KIT: variants seen among roughly 807,000 people sequenced by gnomAD.
The protein encoded by KIT is KIT proto-oncogene, receptor tyrosine kinase.
KIT carries 16 observed loss-of-function variants against 105.7 expected under a neutral mutation model. That is an observed-to-expected ratio of 0.15 (90% CI 0.10 to 0.23). KIT has a LOEUF of 0.23. KIT is among the 10% of genes least tolerant of loss of function. The pLI, the probability that KIT is intolerant of heterozygous loss-of-function variation, is 1.00. For missense variants in KIT, 858 were observed against 1,213.8 expected (o/e 0.71, Z 4.36); for synonymous variants, 438 against 441.1 (o/e 0.99, Z 0.09).
At chr4:54,684,402 G>A (rs1415376160) in intron 1 of KIT, among the ~76,000 whole-genome samples, 1 of 152,168 alleles carries the variant, frequency 6.6e-6, no homozygotes. Context: ...CCCAAAATGG[G>A]CTTCTGCACC....
chr4:54,724,973 C>T (rs901800358), intron 8 of KIT, among the ~76,000 whole-genome samples: 4 of 152,086 alleles, frequency 2.6e-5, no homozygotes, highest in Admixed American at 1.3e-4. Context: ...ATAGGGAAGT[C>T]GGGGTCTGGC....
In KIT at chr4:54,704,037, C is replaced by T. The variant is rs17084658; in HGVS notation, c.925+145C>T. 5.6e-3 allele frequency: 4,463 copies of T among 792,002 alleles called. 107 individuals carry two copies. In the African/African-American group the frequency reaches 0.062, roughly 11 times the overall value. 49.1% of individuals were successfully genotyped at this position (792,002 alleles called of 1,614,324 possible). Reference sequence around the variant, plus strand: ...AATGAATGAAAATTATCCTTGTAGCCTCTTGCAATGAAAGCACAAAACCAA... The same window carrying T: ...AATGAATGAAAATTATCCTTGTAGCTTCTTGCAATGAAAGCACAAAACCAA... On this transcript the variant is annotated intron_variant, in intron 5 of 20. Transcript: ENST00000288135.
rs1275578060 is a variant in KIT, at chr4:54,703,725, C to A, written c.758C>A (p.Thr253Asn). 2 of 1,612,580 alleles carry A rather than the reference C, an allele frequency of 1.2e-6. No homozygotes were observed. Among genetic ancestry groups the A allele is most frequent in the Non-Finnish European group, 1.7e-6 (2 of 1,179,038 alleles). ...TTTCTCCTTTTCTGAAACCAGCAGACTAAACTACAGGAGAAATATAATAGC... is the reference window on the plus strand; with the variant it reads ...TTTCTCCTTTTCTGAAACCAGCAGAATAAACTACAGGAGAAATATAATAGC... The part of the protein sequence containing the change: ...YSTWKRENSQ[T>N]KLQEKYNSWH... The change falls in exon 5 of 21, where the codon ACT becomes AAT. Residue 253 changes from threonine to asparagine, a missense_variant and splice_region_variant. By Grantham distance (65) the Thr-to-Asn change is moderately conservative (BLOSUM62 0). This residue lies in a region of KIT where 401 missense variants were observed against 601.0 expected (regional missense o/e 0.67). Coordinates refer to ENST00000288135, the MANE Select transcript of KIT (RefSeq NM_000222.3).
intron 6 of KIT, 28 bp downstream of exon 6, chr4:54,707,315 T>C (rs1453837333): frequency 6.9e-7 from 1 of 1,447,326 alleles, no homozygotes; most frequent in Admixed American, 1.7e-5. Context: ...CCCTGGGGGA[T>C]TACACATTAC....
intron 4 of KIT, among the ~76,000 whole-genome samples, chr4:54,703,108 A>G (rs1264077847): frequency 6.6e-6 from 1 of 152,140 alleles, no homozygotes; most frequent in Non-Finnish European, 1.5e-5. Context: ...CACAAGGGTA[A>G]ATTCACAACC....
chr4:54,684,769 C>T (rs561575216), intron 1 of KIT, among the ~76,000 whole-genome samples: 1 of 152,358 alleles, frequency 6.6e-6, no homozygotes, highest in African/African-American at 2.4e-5. Flanking sequence ...TCTGCTGTAC[C>T]AGTTGCCAGG....
intron 7 of KIT, among the ~76,000 whole-genome samples, chr4:54,717,148 ATGTC>A (rs1338095020): frequency 1.3e-5 from 2 of 152,212 alleles, no homozygotes; most frequent in Admixed American, 1.3e-4. Flanking sequence ...TATAAAGAGA[ATGTC>A]TGTGGAGGCA....
At chr4:54,687,808 T>A (rs922382601) in intron 1 of KIT, among the ~76,000 whole-genome samples, 1 of 152,118 alleles carries the variant, frequency 6.6e-6, no homozygotes, top group Non-Finnish European at 1.5e-5. Context: ...GGCTCAGCTC[T>A]CCCCTACACC....
chr4:54,698,703 A>G, intron 3 of KIT, 138 bp downstream of exon 3: 12 of 967,314 alleles, frequency 1.2e-5, no homozygotes, highest in Non-Finnish European at 1.9e-5. Flanking sequence ...AAAAAATGTC[A>G]TCTGCTTTTG....
chr4:54,676,676 A>G (rs536944550), intron 1 of KIT, among the ~76,000 whole-genome samples: 2 of 152,192 alleles, frequency 1.3e-5, no homozygotes, highest in Non-Finnish European at 2.9e-5. Context: ...GAGACTGCCC[A>G]GTGCTCTTGG....
At chr4:54,714,765 C>T (rs548866986) in intron 7 of KIT, among the ~76,000 whole-genome samples, 31 of 152,216 alleles carry the variant, frequency 2.0e-4, no homozygotes, top group African/African-American at 6.0e-4. Context: ...AAATAGATCC[C>T]GCTCCCATTT....
chr4:54,668,291 T>A (rs1005025117), intron 1 of KIT, among the ~76,000 whole-genome samples: 1 of 152,174 alleles, frequency 6.6e-6, no homozygotes, highest in African/African-American at 2.4e-5. Context: ...GCGTGTCTGA[T>A]AGCACTTGCC....
In KIT at chr4:54,738,852, C is replaced by T. The variant is rs1423358851; in HGVS notation, c.*295C>T. 3 of 599,940 alleles carry T rather than the reference C, an allele frequency of 5.0e-6. No individual in the cohort carries two copies. The highest frequency in any genetic ancestry group is 8.9e-6 in the Non-Finnish European group (3 of 338,246). The allele number at this position is 599,940 out of a possible 1,614,324, so 37.2% of individuals were successfully genotyped here. On this transcript the variant is annotated 3_prime_UTR_variant, in exon 21 of 21. Transcript: ENST00000288135. ...ATGGACTGGGGGCCAGAGTCCTTTC[C>T]AAGGCTTCTCCAATTCTGCCCAAAA...
At chr4:54,703,426 G>A (rs184182936) in intron 4 of KIT, among the ~76,000 whole-genome samples, 90 of 152,234 alleles carry the variant, frequency 5.9e-4, no homozygotes, top group African/African-American at 2.1e-3. Flanking sequence ...TTCAGAGATA[G>A]CAACTTTTAA....
chr4:54,677,300 C>A (rs1444190105), intron 1 of KIT, among the ~76,000 whole-genome samples: 2 of 151,672 alleles, frequency 1.3e-5, no homozygotes, highest in Admixed American at 1.3e-4. Context: ...CATTTGCCAC[C>A]ACCATCTCAT....
rs1037362851 is a variant in KIT, at chr4:54,740,594, G to A, written c.*2037G>A. ...TTTTTTATATATACAGTAACTTTAT[G>A]TGTAAATACATAAGCGGCGTAAGTT... On this transcript the variant is annotated 3_prime_UTR_variant, in exon 21 of 21. Coordinates refer to ENST00000288135, the MANE Select transcript of KIT (RefSeq NM_000222.3). 3 of 232,550 alleles carry A rather than the reference G, an allele frequency of 1.3e-5. No individual in the cohort carries two copies. Among genetic ancestry groups the A allele is most frequent in the Non-Finnish European group, 2.6e-5 (3 of 117,526 alleles). 14.4% of individuals were successfully genotyped at this position (232,550 alleles called of 1,614,324 possible). A position where few individuals can be genotyped will look rare whatever the true frequency, so the allele number is the denominator to read the frequency against.
At chr4:54,692,012 A>C (rs1719745978) in intron 1 of KIT, among the ~76,000 whole-genome samples, 1 of 152,202 alleles carries the variant, frequency 6.6e-6, no homozygotes, top group Admixed American at 6.5e-5. Context: ...CATTTCTGGA[A>C]TAAGTGTGCC....
intron 1 of KIT, among the ~76,000 whole-genome samples, chr4:54,685,630 A>AC (rs1460616586): frequency 2.0e-5 from 3 of 151,480 alleles, no homozygotes; most frequent in Non-Finnish European, 4.4e-5. Flanking sequence ...TCTGCAGCTC[A>AC]CCCCCTTACC....
intron 1 of KIT, among the ~76,000 whole-genome samples, chr4:54,680,654 A>G (rs958308761): frequency 1.3e-5 from 2 of 152,110 alleles, no homozygotes; most frequent in East Asian, 1.9e-4. Flanking sequence ...CGGCCTCCCA[A>G]AGTGCTGGGA....
Sources: gnomAD v4.1 joint callset for allele counts (sites outside exome capture counted in the v4.1 genomes callset) on GRCh38, gnomAD v4.1.1 for gene constraint, gnomAD v4.1.1 regional missense constraint, MANE v1.5 for transcripts, NCBI Gene and HGNC (gene_info 2026-07-23, HGNC 2026-07-21) for gene names.